KIF16B: variants seen among roughly 807,000 people sequenced by gnomAD.
KIF16B encodes kinesin-like protein KIF16B.
In KIF16B, 98 loss-of-function variants were observed where a neutral mutation model predicts 156.3. The ratio of observed to expected loss-of-function variants is 0.63; its 90% CI spans 0.53 to 0.74. KIF16B has a LOEUF of 0.74. KIF16B is among the 30% of genes least tolerant of loss of function. The pLI is 0.00. For missense variants in KIF16B, 1,421 were observed against 1,606.5 expected, an observed-to-expected ratio of 0.88 and a Z score of 1.97; for synonymous variants, 564 against 583.7, an observed-to-expected ratio of 0.97 and a Z score of 0.49.
In KIF16B at chr20:16,468,766, T is replaced by C. The variant is rs74181917; in HGVS notation, c.1302+25525A>G. ...GTTGAAGATTTCCAACACTCCTCTA[T>C]GAGAAATGCACACATCCAGTAGGCA... is the stretch of plus-strand genomic sequence containing the variant. On this transcript the variant is annotated intron_variant, in intron 12 of 25. Coordinates refer to ENST00000354981, the MANE Select transcript of KIF16B (RefSeq NM_024704.5). 8.5e-3 allele frequency among the ~76,000 whole-genome samples: 1,295 copies of C among 152,136 alleles called. 13 individuals carry two copies. Among genetic ancestry groups the C allele is most frequent in the Middle Eastern group, 0.02 (6 of 294 alleles).
In KIF16B at chr20:16,573,235, T is replaced by C. The variant is rs1439996186; in HGVS notation, c.41A>G (p.Asn14Ser). The C allele has an allele frequency of 2.5e-6, 4 of 1,599,008 alleles. No individual in the cohort carries two copies. The highest frequency in any genetic ancestry group is 1.3e-5 in the African/African-American group (1 of 74,298). The change falls in exon 1 of 26, where the codon AAT (asparagine) becomes AGT (serine). Residue 14 changes from asparagine to serine, a missense_variant. Asn to Ser is a conservative substitution (Grantham distance 46). Transcript: ENST00000354981. ...VKVAVRVRPM[N>S]RREKDLEAKF... ...CGCGGGCGGCCCCACTCACCTGCGA[T>C]TCATGGGCCGGACCCTCACGGCCAC...
chr20:16,301,374 C>T (rs116124015), intron 25 of KIF16B, among the ~76,000 whole-genome samples: 2,768 of 152,254 alleles, frequency 0.018, 91 homozygotes, highest in African/African-American at 0.061. Flanking sequence ...CTGGATCATA[C>T]GGTTAAGAGT....
intron 12 of KIF16B, among the ~76,000 whole-genome samples, chr20:16,474,354 G>A (rs1255406928): frequency 6.6e-6 from 1 of 152,172 alleles, no homozygotes; most frequent in Non-Finnish European, 1.5e-5. Flanking sequence ...GTACATTGCA[G>A]GATTTTTATG....
intron 17 of KIF16B, among the ~76,000 whole-genome samples, chr20:16,388,231 G>T (rs928106440): frequency 1.3e-5 from 2 of 152,154 alleles, no homozygotes; most frequent in Admixed American, 1.3e-4. Context: ...TTTTAGATAT[G>T]CAGTGATATG....
intron 24 of KIF16B, among the ~76,000 whole-genome samples, chr20:16,329,881 C>T (rs6080230): frequency 0.025 from 3,756 of 152,244 alleles, 57 homozygotes; most frequent in Non-Finnish European, 0.039. Context: ...AAGAACTCAG[C>T]CTACTCATAC....
chr20:16,384,571 C>T (rs974432019), intron 17 of KIF16B, among the ~76,000 whole-genome samples: 7 of 152,048 alleles, frequency 4.6e-5, no homozygotes, highest in African/African-American at 1.7e-4. Flanking sequence ...AAGGAGGTGG[C>T]AGAAAAATGT....
chr20:16,386,323 A>G (rs1316081230), intron 17 of KIF16B, among the ~76,000 whole-genome samples: 1 of 152,106 alleles, frequency 6.6e-6, no homozygotes, highest in Admixed American at 6.5e-5. Flanking sequence ...GTATCTAAAG[A>G]AAGAGAAAGA....
At position 16,297,562 on chromosome 20, in the gene KIF16B, G is replaced by A. The variant is rs539905980; in HGVS notation, c.3795+14773C>T. 1.3e-3 allele frequency among the ~76,000 whole-genome samples: 192 copies of A among 152,146 alleles called. 1 individual carries two copies. The highest frequency in any genetic ancestry group is 1.9e-3 in the Non-Finnish European group (126 of 68,006). On this transcript the variant is annotated intron_variant, in intron 25 of 25. Coordinates refer to ENST00000354981, the MANE Select transcript of KIF16B (RefSeq NM_024704.5). ...ATGCAAAAAATTAGCTGGGCGTGGT[G>A]GCGGGCACCTGTAGTCCCAGCTTCT... is the stretch of plus-strand genomic sequence containing the variant.
At chr20:16,407,533 G>A (rs985970448) in intron 15 of KIF16B, among the ~76,000 whole-genome samples, 3 of 152,084 alleles carry the variant, frequency 2.0e-5, no homozygotes, top group Non-Finnish European at 4.4e-5. Context: ...CCTAAGTTGG[G>A]TCTCACCGGA....
chr20:16,515,148 A>G (rs543352774), intron 4 of KIF16B, among the ~76,000 whole-genome samples: 9 of 152,102 alleles, frequency 5.9e-5, no homozygotes, highest in African/African-American at 1.9e-4. Flanking sequence ...TCTATCAAAG[A>G]GTTAGAATTT....
intron 25 of KIF16B, among the ~76,000 whole-genome samples, chr20:16,293,015 G>A (rs1490091446): frequency 1.3e-5 from 2 of 152,120 alleles, no homozygotes; most frequent in Admixed American, 6.5e-5. Context: ...GACAAAGCAA[G>A]ACAACGACAG....
intron 25 of KIF16B, among the ~76,000 whole-genome samples, chr20:16,296,271 A>G (rs1036123354): frequency 6.6e-6 from 1 of 152,216 alleles, no homozygotes; most frequent in African/African-American, 2.4e-5. Context: ...TGTCTACGCC[A>G]CTTGTGATAT....
chr20:16,325,580 A>T (rs1392019930), intron 24 of KIF16B, among the ~76,000 whole-genome samples: 1 of 151,016 alleles, frequency 6.6e-6, no homozygotes, highest in Admixed American at 6.6e-5. Context: ...AAACTTAGAA[A>T]TGTGAATAGG....
In KIF16B at chr20:16,507,193, A is replaced by C. The variant is rs1041724559; in HGVS notation, c.699+765T>G. 4.5e-4 allele frequency among the ~76,000 whole-genome samples: 69 copies of C among 152,166 alleles called. 2 individuals are homozygous for C. Reference sequence around the variant, plus strand: ...CAATCAACTTGAGTAAATCTAAAGGAAAGGTCTAACAGAAGATTAAGATGT... The same window carrying C: ...CAATCAACTTGAGTAAATCTAAAGGCAAGGTCTAACAGAAGATTAAGATGT... On this transcript the variant is annotated intron_variant, in intron 7 of 25. Coordinates refer to ENST00000354981, the MANE Select transcript of KIF16B (RefSeq NM_024704.5).
chr20:16,349,341 G>A (rs970180489), intron 23 of KIF16B, among the ~76,000 whole-genome samples: 1 of 152,126 alleles, frequency 6.6e-6, no homozygotes, highest in Non-Finnish European at 1.5e-5. Context: ...GAGCCTTTCT[G>A]TACGGTGCAG....
At chr20:16,450,193 T>C (rs1018861606) in intron 12 of KIF16B, among the ~76,000 whole-genome samples, 1 of 152,172 alleles carries the variant, frequency 6.6e-6, no homozygotes, top group African/African-American at 2.4e-5. Context: ...TTATAGATCT[T>C]TGCTAATTTA....
At chr20:16,327,449 TA>T (rs1031985756) in intron 24 of KIF16B, among the ~76,000 whole-genome samples, 8 of 149,290 alleles carry the variant, frequency 5.4e-5, no homozygotes, top group African/African-American at 7.4e-5. Flanking sequence ...TTTATTGAAA[TA>T]AAAAAAAAAT....
intron 12 of KIF16B, among the ~76,000 whole-genome samples, chr20:16,490,866 G>A (rs1226743749): frequency 6.6e-6 from 1 of 152,088 alleles, no homozygotes. Flanking sequence ...CATTCTCACC[G>A]CATGCCTGCT....
intron 1 of KIF16B, among the ~76,000 whole-genome samples, chr20:16,535,284 T>C (rs1029332513): frequency 1.3e-5 from 2 of 152,236 alleles, no homozygotes; most frequent in Non-Finnish European, 2.9e-5. Flanking sequence ...TCTTCATTTC[T>C]TTCTCAGCTA....
Sources: gnomAD v4.1 joint callset for allele counts (sites outside exome capture counted in the v4.1 genomes callset) on GRCh38, gnomAD v4.1.1 for gene constraint, MANE v1.5 for transcripts, NCBI Gene and HGNC (gene_info 2026-07-23, HGNC 2026-07-21) for gene names.